The following RBFOX2 variants were observed in gnomAD, a reference collection of about 807,000 sequenced individuals.
RBFOX2 encodes the protein RNA binding protein fox-1 homolog 2.
A neutral mutation model predicts 49.1 loss-of-function variants in RBFOX2; 10 were observed. The observed-to-expected ratio is 0.20, with a 90% CI of 0.13 to 0.35. The LOEUF is 0.35. RBFOX2 is among the 10% of genes least tolerant of loss of function. The pLI is 1.00. For missense variants in RBFOX2, 323 were observed against 486.9 expected (o/e 0.66, Z 3.17); for synonymous variants, 183 against 187.4 (o/e 0.98, Z 0.19).
intron 1 of RBFOX2, among the ~76,000 whole-genome samples, chr22:36,007,481 C>A (rs748591490): frequency 1.8e-4 from 27 of 152,046 alleles, no homozygotes; most frequent in Non-Finnish European, 2.8e-4. Flanking sequence ...GGACCATAAA[C>A]CCTATGTTTA....
intron 1 of RBFOX2, among the ~76,000 whole-genome samples, chr22:35,930,479 A>C (rs760020913): frequency 6.6e-6 from 1 of 152,198 alleles, no homozygotes; most frequent in African/African-American, 2.4e-5. Flanking sequence ...TCACAAATCA[A>C]TAAATATTGA....
chr22:35,889,030 T>G (rs2149353585), intron 1 of RBFOX2, among the ~76,000 whole-genome samples: 2 of 152,178 alleles, frequency 1.3e-5, no homozygotes, highest in East Asian at 3.9e-4. Context: ...TGTGGGTGCC[T>G]GTAATCCCAG....
chr22:35,875,611 T>G (rs1383909708), intron 1 of RBFOX2, among the ~76,000 whole-genome samples: 7 of 22,938 alleles, frequency 3.1e-4, no homozygotes, highest in South Asian at 1.4e-3. Context: ...CACAAGGGTG[T>G]GTGTGTGTGT....
intron 1 of RBFOX2, among the ~76,000 whole-genome samples, chr22:35,818,924 C>T (rs983141617): frequency 6.6e-6 from 1 of 152,154 alleles, no homozygotes; most frequent in African/African-American, 2.4e-5. Flanking sequence ...TTGTAGTCTA[C>T]CTCTTTAAAA....
intron 1 of RBFOX2, among the ~76,000 whole-genome samples, chr22:35,850,193 T>TACACACACAC (rs58692076): frequency 0.032 from 4,266 of 132,494 alleles, 151 homozygotes; most frequent in African/African-American, 0.055. Flanking sequence ...CTCTCTCTCA[T>TACACACACAC]ACACACACAC....
chr22:35,984,927 T>C lies in RBFOX2; in HGVS notation c.186+43313A>G, dbSNP rs114854979. Among the ~76,000 whole-genome samples, 221 of 152,212 alleles carry C rather than the reference T, an allele frequency of 1.5e-3. 2 individuals are homozygous for C. The highest frequency in any genetic ancestry group is 4.9e-3 in the African/African-American group (202 of 41,534). On this transcript the variant is annotated intron_variant, in intron 1 of 13. Coordinates refer to the RBFOX2 transcript ENST00000438146. ...TTCACTAAGTGACAGGCAATGGAGA[T>C]ACAACATTAAATGAGACACAGTCAC... is the stretch of plus-strand genomic sequence containing the variant.
In RBFOX2 at chr22:36,020,590, A is replaced by T. The variant is rs148016688; in HGVS notation, c.186+7650T>A. Among the ~76,000 whole-genome samples, 155 of 152,362 alleles carry T rather than the reference A, an allele frequency of 1.0e-3. 2 individuals are homozygous for T. The highest frequency in any genetic ancestry group is 3.7e-3 in the South Asian group (18 of 4,828). On this transcript the variant is annotated intron_variant, in intron 1 of 13. Transcript: ENST00000438146. ...AATCCCACCAAAAAGTGGGCAAAGG[A>T]TATGAACAGACACTTCTCAAAAGAA... is the stretch of plus-strand genomic sequence containing the variant.
chr22:35,785,972 T>C (rs1432933644), intron 2 of RBFOX2, among the ~76,000 whole-genome samples: 4 of 152,194 alleles, frequency 2.6e-5, no homozygotes, highest in Admixed American at 1.3e-4. Flanking sequence ...CATCTCACAG[T>C]TGGATCACAT....
At chr22:35,939,019 T>C, upstream of RBFOX2, 1 of 923,344 alleles carries the variant, frequency 1.1e-6, no homozygotes, top group Non-Finnish European at 1.8e-6. Flanking sequence ...TTCCATTAAC[T>C]GTATTCCACC....
intron 1 of RBFOX2, among the ~76,000 whole-genome samples, chr22:35,960,273 G>A (rs1260935033): frequency 6.6e-6 from 1 of 152,140 alleles, no homozygotes; most frequent in Non-Finnish European, 1.5e-5. Context: ...AAACCACACT[G>A]TGAGGTTGGT....
chr22:35,874,013 T>C (rs903127227), intron 1 of RBFOX2, among the ~76,000 whole-genome samples: 3 of 151,900 alleles, frequency 2.0e-5, no homozygotes, highest in Non-Finnish European at 2.9e-5. Flanking sequence ...AAGGGAGAAA[T>C]TGGAAGGGAT....
At chr22:35,764,963 C>T (rs1299233630) in intron 6 of RBFOX2, among the ~76,000 whole-genome samples, 1 of 151,810 alleles carries the variant, frequency 6.6e-6, no homozygotes, top group Non-Finnish European at 1.5e-5. Flanking sequence ...ATCTCTAGGG[C>T]TAAGGAGAGC....
intron 1 of RBFOX2, among the ~76,000 whole-genome samples, chr22:35,946,957 CGAG>C (rs1294742642): frequency 6.6e-6 from 1 of 152,246 alleles, no homozygotes; most frequent in African/African-American, 2.4e-5. Flanking sequence ...TCTGGGAGGC[CGAG>C]GAGGGAGGAT....
chr22:35,749,510 C>T lies in RBFOX2; in HGVS notation c.888-2949G>A, dbSNP rs1022937902. 1.3e-5 allele frequency among the ~76,000 whole-genome samples: 2 copies of T among 151,982 alleles called. No individual in the cohort carries two copies. The highest frequency in any genetic ancestry group is 2.4e-5 in the African/African-American group (1 of 41,520). The stretch of plus-strand genomic sequence containing the variant: ...GATGTATTCCTCTCTCTCTCTCTTA[C>T]ACACACACACGCACACACACACATA... On this transcript the variant is annotated intron_variant, in intron 9 of 11. Transcript: ENST00000405409. This position sits in a 1 kb window ranked among gnomAD's most constrained non-coding sequence, Gnocchi z 4.1.
intron 1 of RBFOX2, among the ~76,000 whole-genome samples, chr22:35,987,480 T>A (rs1230462664): frequency 6.6e-6 from 1 of 152,194 alleles, no homozygotes; most frequent in Non-Finnish European, 1.5e-5. Context: ...CTAACAACTT[T>A]TCAAAATTCA....
At chr22:36,010,047 G>A (rs1220171561) in intron 1 of RBFOX2, among the ~76,000 whole-genome samples, 1 of 151,964 alleles carries the variant, frequency 6.6e-6, no homozygotes, top group Non-Finnish European at 1.5e-5. Context: ...TGCTGCCCTA[G>A]AGATGCTGGC....
chr22:36,002,353 C>T (rs1465886294), intron 1 of RBFOX2, among the ~76,000 whole-genome samples: 1 of 151,842 alleles, frequency 6.6e-6, no homozygotes, highest in Non-Finnish European at 1.5e-5. Flanking sequence ...AAATGTCGAG[C>T]AATAGGACAT....
intron 9 of RBFOX2, among the ~76,000 whole-genome samples, chr22:35,755,298 T>G (rs1036960259): frequency 1.3e-5 from 2 of 152,206 alleles, no homozygotes; most frequent in African/African-American, 4.8e-5. Context: ...ACTCAAAAAC[T>G]TGTACTTTGT....
rs544407775 is a variant in RBFOX2 at position 35,863,523 on chromosome 22, T to C, written c.-33-53519A>G. On this transcript the variant is annotated intron_variant, in intron 1 of 13. Transcript: ENST00000359369. ...CCCTCTTCTTGGATTGTGTTCACTATGCTCATGCCTTACAGATGAGCTGTC... is the reference window on the plus strand; with the variant it reads ...CCCTCTTCTTGGATTGTGTTCACTACGCTCATGCCTTACAGATGAGCTGTC... Among the ~76,000 whole-genome samples, 20 of 152,252 alleles carry C rather than the reference T, an allele frequency of 1.3e-4. No homozygotes were observed. In the East Asian group the frequency reaches 3.7e-3, roughly 28 times the overall value.
Sources: allele counts gnomAD v4.1 joint callset (sites outside exome capture counted in the v4.1 genomes callset), GRCh38; gene constraint gnomAD v4.1.1; non-coding constraint Gnocchi (gnomAD v3.1); transcripts MANE v1.5; gene names NCBI Gene and HGNC (gene_info 2026-07-23, HGNC 2026-07-21).